Variants in PLCB1 observed in about 807,000 individuals in gnomAD.
PLCB1 encodes the protein 1-phosphatidylinositol 4,5-bisphosphate phosphodiesterase beta-1.
A neutral mutation model predicts 161.8 loss-of-function variants in PLCB1; 46 were observed. The ratio of observed to expected loss-of-function variants is 0.28; its 90% CI spans 0.22 to 0.36. The LOEUF is 0.36. PLCB1 is among the 10% of genes least tolerant of loss of function. The probability of loss-of-function intolerance (pLI) is 1.00; values close to 1 mark genes in which losing one functional copy is unlikely to be tolerated. For missense variants in PLCB1, 1,016 were observed against 1,472.5 expected (o/e 0.69, Z 5.07); for synonymous variants, 517 against 503.7 (o/e 1.03, Z -0.35).
intron 4 of PLCB1, among the ~76,000 whole-genome samples, chr20:8,644,734 C>T (rs1989104691): frequency 6.6e-6 from 1 of 151,460 alleles, no homozygotes. Flanking sequence ...CTGCCAGCCG[C>T]CCCGCCCGGG....
chr20:8,514,757 T>C (rs1329901722), intron 3 of PLCB1, among the ~76,000 whole-genome samples: 1 of 152,192 alleles, frequency 6.6e-6, no homozygotes, highest in African/African-American at 2.4e-5. Flanking sequence ...ATGATATATC[T>C]TGTATGTATG....
chr20:8,682,889 C>T (rs982975275), intron 9 of PLCB1, among the ~76,000 whole-genome samples: 1 of 152,058 alleles, frequency 6.6e-6, no homozygotes, highest in Non-Finnish European at 1.5e-5. Flanking sequence ...TCTGGGAATT[C>T]ATCCTGAAGA....
chr20:8,877,271 G>A (rs930989054), intron 31 of PLCB1, among the ~76,000 whole-genome samples: 3 of 152,302 alleles, frequency 2.0e-5, no homozygotes, highest in African/African-American at 7.2e-5. Flanking sequence ...AAATTAGGAA[G>A]AATCTAAACT....
chr20:8,325,909 C>A (rs989546955), intron 2 of PLCB1, among the ~76,000 whole-genome samples: 1 of 152,172 alleles, frequency 6.6e-6, no homozygotes, highest in Non-Finnish European at 1.5e-5. Flanking sequence ...ACAACACCTT[C>A]ATTTGAATTG....
intron 27 of PLCB1, among the ~76,000 whole-genome samples, chr20:8,777,633 C>G (rs571851241): frequency 6.6e-6 from 1 of 151,106 alleles, no homozygotes; most frequent in African/African-American, 2.4e-5. Context: ...GTGTGAGAAT[C>G]GCTTGAACCC....
chr20:8,229,631 A>G (rs1979898782), intron 2 of PLCB1, among the ~76,000 whole-genome samples: 1 of 152,176 alleles, frequency 6.6e-6, no homozygotes, highest in Non-Finnish European at 1.5e-5. Context: ...CCATCATCGC[A>G]GAAAGTTTTA....
intron 3 of PLCB1, among the ~76,000 whole-genome samples, chr20:8,529,954 G>A (rs965957526): frequency 2.0e-5 from 3 of 152,090 alleles, no homozygotes; most frequent in African/African-American, 7.2e-5. Flanking sequence ...CTGTTTTCCA[G>A]ATAGTTCTCA....
In PLCB1 at chr20:8,779,388, T is replaced by C. The variant is rs114390977; in HGVS notation, c.3111+4669T>C. ...AAAAATGGATATGAAAGCACAGATA[T>C]AACTATTTGCCTAACTCTATCAATC... On this transcript the variant is annotated intron_variant, in intron 27 of 31. Coordinates refer to ENST00000338037, the MANE Select transcript of PLCB1 (RefSeq NM_015192.4). Among the ~76,000 whole-genome samples the C allele has an allele frequency of 8.1e-3, 1,221 of 151,600 alleles. 15 individuals are homozygous for C. Among genetic ancestry groups the C allele is most frequent in the African/African-American group, 0.028 (1,150 of 41,314 alleles).
At chr20:8,720,509 A>G (rs6056036) in intron 14 of PLCB1, among the ~76,000 whole-genome samples, 18,105 of 152,180 alleles carry the variant, frequency 0.12, 2,015 homozygotes, top group African/African-American at 0.28. Flanking sequence ...ATTGTATTTC[A>G]AAGCTAGTTT....
At chr20:8,324,667 A>G (rs1985072684) in intron 2 of PLCB1, among the ~76,000 whole-genome samples, 4 of 152,198 alleles carry the variant, frequency 2.6e-5, no homozygotes, top group South Asian at 4.1e-4. Context: ...AGAGAATAAG[A>G]CCATTAATGT....
At chr20:8,799,026 G>T (rs6039278) in intron 31 of PLCB1, among the ~76,000 whole-genome samples, 136,584 of 152,242 alleles carry the variant, frequency 0.9, 62,011 homozygotes, top group Non-Finnish European at 0.96. Flanking sequence ...TTCAAAGATT[G>T]CTATTGTCTA....
chr20:8,769,120 T>A (rs890457868), intron 26 of PLCB1, among the ~76,000 whole-genome samples: 2 of 152,188 alleles, frequency 1.3e-5, no homozygotes, highest in Non-Finnish European at 2.9e-5. Context: ...TCTTTTGAGG[T>A]CACAGACAGT....
chr20:8,831,552 T>C (rs10211705), intron 31 of PLCB1, among the ~76,000 whole-genome samples: 43,975 of 152,126 alleles, frequency 0.29, 6,522 homozygotes, highest in Middle Eastern at 0.41. Flanking sequence ...GTTGAATAAA[T>C]CCCACCAGTT....
intron 2 of PLCB1, among the ~76,000 whole-genome samples, chr20:8,245,937 C>T (rs569288262): frequency 6.6e-6 from 1 of 151,968 alleles, no homozygotes; most frequent in South Asian, 2.1e-4. Flanking sequence ...ACAAAATCAG[C>T]AGGAGACCTC....
chr20:8,629,791 T>TTCC (rs1456824454), intron 4 of PLCB1, among the ~76,000 whole-genome samples: 2 of 32,818 alleles, frequency 6.1e-5, no homozygotes, highest in Admixed American at 3.7e-4. Flanking sequence ...CCTTCCTTCC[T>TTCC]TTCTTTCTTT....
intron 2 of PLCB1, among the ~76,000 whole-genome samples, chr20:8,354,205 T>C (rs1389178769): frequency 6.6e-6 from 1 of 152,052 alleles, no homozygotes; most frequent in Non-Finnish European, 1.5e-5. Flanking sequence ...TGCCACTGAG[T>C]TGTATACTTA....
rs2076413 is a variant in PLCB1 at position 8,757,087 on chromosome 20, G to A, written c.2565G>A (p.Ala855=). ...CACCATCAGAGGCTCCAAGTGAAGC[G>A]AGAACGACTCCAGCAGAAAATGGGG... ...GETPSEAPSE[A]RTTPAENGVN... The change falls in exon 24 of 32, where the codon GCG becomes GCA. Residue 855 remains alanine (A), a synonymous_variant. Transcript: ENST00000338037. The A allele has an allele frequency of 0.29, 472,653 of 1,611,358 alleles. 71,696 individuals carry two copies. The highest frequency in any genetic ancestry group is 0.31 in the Non-Finnish European group (369,392 of 1,178,094).
At chr20:8,478,020 G>A (rs967791577) in intron 3 of PLCB1, among the ~76,000 whole-genome samples, 1 of 152,126 alleles carries the variant, frequency 6.6e-6, no homozygotes, top group Non-Finnish European at 1.5e-5. Flanking sequence ...TAAATCTATT[G>A]AGTAAAATTT....
intron 4 of PLCB1, 144 bp downstream of exon 4, chr20:8,628,575 A>C (rs1419341666): frequency 1.3e-6 from 1 of 749,224 alleles, no homozygotes; most frequent in Non-Finnish European, 2.2e-6. Context: ...GCCAAGTATA[A>C]GTGCAATTAA....
Sources: gnomAD v4.1 joint callset for allele counts (sites outside exome capture counted in the v4.1 genomes callset) on GRCh38, gnomAD v4.1.1 for gene constraint, MANE v1.5 for transcripts, NCBI Gene and HGNC (gene_info 2026-07-23, HGNC 2026-07-21) for gene names.